The following KMT2E variants were observed in gnomAD, a reference collection of about 807,000 sequenced individuals.
KMT2E encodes the protein histone reader KMT2E.
KMT2E carries 30 observed loss-of-function variants against 184.6 expected under a neutral mutation model. The observed-to-expected ratio is 0.16, with a 90% CI of 0.12 to 0.22. KMT2E has a LOEUF of 0.22. Among genes scored for constraint, KMT2E ranks in the 10% least tolerant of loss-of-function variants. The probability of loss-of-function intolerance (pLI) is 1.00; values close to 1 mark genes in which losing one functional copy is unlikely to be tolerated. For missense variants in KMT2E, 2,023 were observed against 2,237.4 expected (o/e 0.90, Z 1.93); for synonymous variants, 815 against 776.5 (o/e 1.05, Z -0.82).
At chr7:105,074,132 A>G (rs1210510516) in intron 7 of KMT2E, among the ~76,000 whole-genome samples, 2 of 151,738 alleles carry the variant, frequency 1.3e-5, no homozygotes, top group African/African-American at 4.9e-5. Flanking sequence ...GTTTTAAATA[A>G]TCATAATTTA....
At chr7:105,040,201 G>C (rs1795820928) in intron 2 of KMT2E, among the ~76,000 whole-genome samples, 1 of 152,128 alleles carries the variant, frequency 6.6e-6, no homozygotes, top group Non-Finnish European at 1.5e-5. Context: ...GCAAACAGTA[G>C]AGTAGAATTG....
At chr7:105,067,661 A>T (rs566877072) in intron 6 of KMT2E, among the ~76,000 whole-genome samples, 31 of 152,302 alleles carry the variant, frequency 2.0e-4, no homozygotes, top group African/African-American at 7.0e-4. Context: ...ATGTCTGTCA[A>T]TTCTTTTTAC....
At position 105,081,740 on chromosome 7, in the gene KMT2E, A is replaced by T; in HGVS notation, c.1301A>T (p.His434Leu). 6.4e-7 allele frequency: 1 copy of T among 1,552,242 alleles called. No individual in the cohort carries two copies. Among genetic ancestry groups the T allele is most frequent in the African/African-American group, 1.4e-5 (1 of 73,326 alleles). Residue 434 changes from histidine (H) to leucine (L), a missense_variant, in exon 13 of 27, where the codon CAC becomes CTC. Physicochemically the swap from His to Leu is moderately conservative, Grantham distance 99. Transcript: ENST00000311117. The part of the protein sequence containing the change: ...GTIHLYIYSI[H>L]SIPKGTEITI... ...ATACATCTTTATATTTATTCTATACACAGTATTCCAAAGGGAACTGAAATT... is the reference window on the plus strand; with the variant it reads ...ATACATCTTTATATTTATTCTATACTCAGTATTCCAAAGGGAACTGAAATT...
At chr7:105,053,821 G>T (rs1374446094) in intron 3 of KMT2E, among the ~76,000 whole-genome samples, 1 of 152,144 alleles carries the variant, frequency 6.6e-6, no homozygotes, top group Non-Finnish European at 1.5e-5. Context: ...GCTATAGTTA[G>T]CTATGCTCAC....
intron 9 of KMT2E, among the ~76,000 whole-genome samples, 175 bp downstream of exon 9, chr7:105,076,256 T>C (rs1280546285): frequency 1.3e-5 from 2 of 152,202 alleles, no homozygotes; most frequent in Non-Finnish European, 2.9e-5. Context: ...ACTCTTGTAG[T>C]TAACACTGTT....
At position 105,112,397 on chromosome 7, in the gene KMT2E, ACCT is replaced by A; in HGVS notation, c.4647_4649del (p.Pro1552del). On this transcript the variant is annotated inframe_deletion, in exon 27 of 27. Coordinates refer to ENST00000311117, the MANE Select transcript of KMT2E (RefSeq NM_182931.3). ...TGAACAGCACGGCACCACCCCCTCC[ACCT>A]CCTCCACCTCCTTCTTCGTCTTACT... 1 of 1,610,748 alleles carries A rather than the reference ACCT, an allele frequency of 6.2e-7. No individual in the cohort carries two copies. The highest frequency in any genetic ancestry group is 1.3e-5 in the African/African-American group (1 of 74,328).
At chr7:105,070,182 C>T (rs1797224313) in intron 6 of KMT2E, among the ~76,000 whole-genome samples, 3 of 151,598 alleles carry the variant, frequency 2.0e-5, no homozygotes, top group South Asian at 4.2e-4. Context: ...GTTGTTTTTC[C>T]CCCTCTCTGG....
chr7:105,097,843 G>A (rs964944319), intron 15 of KMT2E, among the ~76,000 whole-genome samples: 1 of 152,148 alleles, frequency 6.6e-6, no homozygotes, highest in Non-Finnish European at 1.5e-5. Flanking sequence ...TGTACACATG[G>A]TTCTTACTCA....
chr7:105,112,804 C>G lies in KMT2E; in HGVS notation c.5048C>G (p.Pro1683Arg). ...CACCACTTACCCCCACCCCCACCCC[C>G]TCCTGGTCCTGCCCCTCATCACCAT... ...AGHHLPPPPP[P>R]PGPAPHHHPP... The change falls in exon 27 of 27, where the codon CCT becomes CGT. Residue 1683 changes from proline (P) to arginine (R), a missense_variant. Transcript: ENST00000311117. The G allele has an allele frequency of 6.2e-7, 1 of 1,600,632 alleles. No homozygotes were observed. Among genetic ancestry groups the G allele is most frequent in the Non-Finnish European group, 8.5e-7 (1 of 1,173,214 alleles).
chr7:105,110,763 C>T lies in KMT2E; in HGVS notation c.3971-8C>T. The T allele has an allele frequency of 6.2e-7, 1 of 1,610,630 alleles. No homozygotes were observed. The highest frequency in any genetic ancestry group is 8.5e-7 in the Non-Finnish European group (1 of 1,176,826). Reference sequence around the variant, plus strand: ...TTATACTTACTATAGGTTTCTTCTGCTTTATAGACCCTGATCCTGAAAATC... The same window carrying T: ...TTATACTTACTATAGGTTTCTTCTGTTTTATAGACCCTGATCCTGAAAATC... On this transcript the variant is annotated splice_region_variant and splice_polypyrimidine_tract_variant and intron_variant, in intron 25 of 26. Transcript: ENST00000311117.
At chr7:105,097,891 G>A (rs916204290) in intron 15 of KMT2E, among the ~76,000 whole-genome samples, 3 of 152,010 alleles carry the variant, frequency 2.0e-5, no homozygotes, top group East Asian at 1.9e-4. Context: ...TTGAGATATC[G>A]GATGAGCAAA....
At chr7:105,103,265 G>C (rs1798736478) in intron 17 of KMT2E, 1 of 152,172 alleles carries the variant, frequency 6.6e-6, no homozygotes, top group Admixed American at 6.5e-5. Flanking sequence ...CCTGGTCTGA[G>C]ATGTAGGCTT....
chr7:105,076,291 T>C (rs1316467114), intron 9 of KMT2E, among the ~76,000 whole-genome samples: 1 of 152,202 alleles, frequency 6.6e-6, no homozygotes, highest in South Asian at 2.1e-4. Flanking sequence ...AAGGGGGAGG[T>C]ATATAAGCAA....
At position 105,094,832 on chromosome 7, in the gene KMT2E, A is replaced by G. The variant is rs149736773; in HGVS notation, c.1722+3518A>G. Among the ~76,000 whole-genome samples the G allele has an allele frequency of 1.4e-3, 208 of 152,314 alleles. 1 individual carries two copies. The highest frequency in any genetic ancestry group is 4.6e-3 in the African/African-American group (192 of 41,580). On this transcript the variant is annotated intron_variant, in intron 15 of 26. Coordinates refer to ENST00000311117, the MANE Select transcript of KMT2E (RefSeq NM_182931.3). ...GGTTATAATTGTTCCATTTTGTTATAGTTACATATGTATAGCAAAAAACAG... is the reference window on the plus strand; with the variant it reads ...GGTTATAATTGTTCCATTTTGTTATGGTTACATATGTATAGCAAAAAACAG...
intron 3 of KMT2E, among the ~76,000 whole-genome samples, chr7:105,054,181 G>T (rs1333036807): frequency 6.6e-6 from 1 of 151,758 alleles, no homozygotes; most frequent in African/African-American, 2.4e-5. Flanking sequence ...AAAAAAAAAG[G>T]CTGCGAAATT....
rs77819480 is a variant in KMT2E at position 105,068,624 on chromosome 7, G to GTTTTTTTTTTT, written c.497+1821_497+1831dup. Among the ~76,000 whole-genome samples the GTTTTTTTTTTT allele has an allele frequency of 2.5e-4, 28 of 112,266 alleles. 4 individuals carry two copies. The highest frequency in any genetic ancestry group is 8.8e-4 in the African/African-American group (22 of 25,028). 73.7% of individuals were successfully genotyped at this position (112,266 alleles called of 152,430 possible). A position where few individuals can be genotyped will look rare whatever the true frequency, so the allele number is the denominator to read the frequency against. On this transcript the variant is annotated intron_variant, in intron 6 of 26. Transcript: ENST00000311117. Reference sequence around the variant, plus strand: ...TCGCCACCATGCCTGACTAGTTGTGGTTTTTTTTTTTTTTGTTTTTTTTTT... The same window carrying GTTTTTTTTTTT: ...TCGCCACCATGCCTGACTAGTTGTGGTTTTTTTTTTTTTTTTTTTTTTTTTGTTTTTTTTTT...
At chr7:105,091,006 T>TA (rs1798179970) in intron 14 of KMT2E, among the ~76,000 whole-genome samples, 1 of 152,190 alleles carries the variant, frequency 6.6e-6, no homozygotes, top group African/African-American at 2.4e-5. Context: ...AAAAACTTGA[T>TA]TGGCTAAAAT....
At chr7:105,106,911 T>A (rs1322472631) in intron 20 of KMT2E, 139 bp downstream of exon 20, 11 of 873,486 alleles carry the variant, frequency 1.3e-5, no homozygotes, top group Non-Finnish European at 6.9e-6. Flanking sequence ...ATCAGAAAAA[T>A]TCATTTATAT....
rs539581034 is a variant in KMT2E, at chr7:105,024,134, C to T, written c.-189+9599C>T. ...CAGACAGGAGAAGAAAATTTTGAGA[C>T]TTACAGAGTACATATTCTCTAAAAC... On this transcript the variant is annotated intron_variant, in intron 1 of 26. Transcript: ENST00000311117. 6.0e-5 allele frequency among the ~76,000 whole-genome samples: 9 copies of T among 149,344 alleles called. No homozygotes were observed. In the South Asian group the frequency reaches 1.5e-3, roughly 24 times the overall value.
Sources: allele counts gnomAD v4.1 joint callset (sites outside exome capture counted in the v4.1 genomes callset), GRCh38; gene constraint gnomAD v4.1.1; transcripts MANE v1.5; gene names NCBI Gene and HGNC (gene_info 2026-07-23, HGNC 2026-07-21).